The following P2RX7 variants were observed in gnomAD, a reference collection of about 807,000 sequenced individuals.
P2RX7 encodes purinergic receptor P2X 7, also known as P2X purinoceptor 7.
A neutral mutation model predicts 71.6 loss-of-function variants in P2RX7; 62 were observed. The observed-to-expected ratio is 0.87, with a 90% CI of 0.71 to 1.07. The LOEUF (loss-of-function observed/expected upper bound fraction) is 1.07, where lower values mean the gene tolerates loss of function less well. Ranked by LOEUF, P2RX7 falls within the 50% of genes least tolerant of loss-of-function variation. The pLI, the probability that P2RX7 is intolerant of heterozygous loss-of-function variation, is 0.00. For synonymous variants in P2RX7, 299 were observed against 283.3 expected, an observed-to-expected ratio of 1.06 and a Z score of -0.56; for missense variants, 686 against 748.5, an observed-to-expected ratio of 0.92 and a Z score of 0.97.
chr12:121,143,650 G>C (rs1437815172), intron 1 of P2RX7, among the ~76,000 whole-genome samples: 3 of 151,972 alleles, frequency 2.0e-5, no homozygotes, highest in Non-Finnish European at 2.9e-5. Flanking sequence ...AGGAGTTCGA[G>C]ACCAGCCTGA....
chr12:121,144,148 G>C (rs1875628639), intron 1 of P2RX7, among the ~76,000 whole-genome samples: 1 of 152,306 alleles, frequency 6.6e-6, no homozygotes, highest in African/African-American at 2.4e-5. Context: ...ACTCAGCAGA[G>C]TGAGTTCTGT....
chr12:121,144,230 C>T (rs1875647525), intron 1 of P2RX7, among the ~76,000 whole-genome samples: 1 of 152,200 alleles, frequency 6.6e-6, no homozygotes, highest in South Asian at 2.1e-4. Context: ...TAGAGTCTCG[C>T]TCTGTCGCCC....
Position 121,154,503 on chromosome 12 carries a change from T to C in P2RX7, c.126-282T>C, listed in dbSNP as rs942810068. ...CTATGAGGGTCCATGTTAGGGAATA[T>C]TAAAGAATAGGATTGGGGGCAGTAG... On this transcript the variant is annotated intron_variant, in intron 1 of 12. Transcript: ENST00000328963. This position sits in a 1 kb window ranked among gnomAD's most constrained non-coding sequence, Gnocchi z 4.2. Among the ~76,000 whole-genome samples, 1 of 152,088 alleles carries C rather than the reference T, an allele frequency of 6.6e-6. No homozygotes were observed. Among genetic ancestry groups the C allele is most frequent in the Non-Finnish European group, 1.5e-5 (1 of 68,024 alleles).
chr12:121,179,501 A>G (rs1186696019), intron 11 of P2RX7, among the ~76,000 whole-genome samples: 1 of 53,330 alleles, frequency 1.9e-5, no homozygotes, highest in African/African-American at 8.4e-5. Context: ...ACTCCGTCTC[A>G]AAAAAAAAAA....
At position 121,184,843 on chromosome 12, in the gene P2RX7, G is replaced by C; in HGVS notation, c.*41G>C. On this transcript the variant is annotated 3_prime_UTR_variant, in exon 13 of 13. Transcript: ENST00000328963. Reference sequence around the variant, plus strand: ...CTCACGTCTGTAATCCCAGCGCTTTGGGAGGCCGAGGCAGGCAGATCACCT... The same window carrying C: ...CTCACGTCTGTAATCCCAGCGCTTTCGGAGGCCGAGGCAGGCAGATCACCT... 8 of 1,453,612 alleles carry C rather than the reference G, an allele frequency of 5.5e-6. No homozygotes were observed. The highest frequency in any genetic ancestry group is 6.5e-6 in the Non-Finnish European group (7 of 1,081,148). 90.0% of individuals were successfully genotyped at this position (1,453,612 alleles called of 1,614,324 possible).
At chr12:121,156,824 C>G (rs1244874540) in intron 3 of P2RX7, among the ~76,000 whole-genome samples, 1 of 152,206 alleles carries the variant, frequency 6.6e-6, no homozygotes, top group African/African-American at 2.4e-5. Context: ...AGAGCCGCCT[C>G]TTTCTGGAAG....
chr12:121,178,357 A>T (rs1883510983), intron 11 of P2RX7, among the ~76,000 whole-genome samples: 1 of 152,260 alleles, frequency 6.6e-6, no homozygotes, highest in South Asian at 2.1e-4. Context: ...AAAATGAGAT[A>T]GATAATAATA....
intron 1 of P2RX7, among the ~76,000 whole-genome samples, chr12:121,152,937 C>G (rs778124368): frequency 2.2e-4 from 34 of 152,248 alleles, no homozygotes; most frequent in Admixed American, 5.2e-4. Context: ...TTGTCCATAG[C>G]TCCTCCGGCA....
In P2RX7 at chr12:121,177,208, G is replaced by A. The variant is rs201345514; in HGVS notation, c.1034G>A (p.Gly345Asp). 12 of 1,614,004 alleles carry A rather than the reference G, an allele frequency of 7.4e-6. No individual in the cohort carries two copies. The highest frequency in any genetic ancestry group is 4.0e-5 in the African/African-American group (3 of 74,922). ...ATCGGCTCAACCCTCTCCTACTTCG[G>A]TCTGGTAAGAGATTCTCTTTTCCAT... ...VYIGSTLSYF[G>D]LAAVFIDFLI... The change falls in exon 10 of 13, where the codon GGT (glycine) becomes GAT (aspartate). Residue 345 changes from glycine to aspartate, a missense_variant. Transcript: ENST00000328963.
At chr12:121,165,943 G>A in intron 6 of P2RX7, 115 bp from the exon 7 acceptor site, 1 of 1,127,520 alleles carries the variant, frequency 8.9e-7, no homozygotes, top group African/African-American at 1.6e-5. Flanking sequence ...AGGAGGCAGT[G>A]ATCATTTGGG....
chr12:121,145,298 C>G (rs886984211), intron 1 of P2RX7, among the ~76,000 whole-genome samples: 4 of 152,120 alleles, frequency 2.6e-5, no homozygotes, highest in Non-Finnish European at 5.9e-5. Context: ...GGGGCATGGT[C>G]ACAGTCAGTG....
chr12:121,134,166 C>T (rs1181258686), intron 1 of P2RX7, among the ~76,000 whole-genome samples: 1 of 152,080 alleles, frequency 6.6e-6, no homozygotes, highest in East Asian at 1.9e-4. Context: ...CATTTGTGTA[C>T]AAGGTTTTAT....
At position 121,167,515 on chromosome 12, in the gene P2RX7, T is replaced by A; in HGVS notation, c.772T>A (p.Trp258Arg). The change falls in exon 8 of 13, where the codon TGG becomes AGG. Residue 258 changes from tryptophan (W) to arginine (R), a missense_variant. Physicochemically the swap from Trp to Arg is moderately radical, Grantham distance 101. Transcript: ENST00000328963. ...CGGAATAATGGGCATTGAGATCTAC[T>A]GGGACTGCAACCTAGACCGTTGGTT... ...QGGIMGIEIY[W>R]DCNLDRWFHH... 1.2e-6 allele frequency: 2 copies of A among 1,614,032 alleles called. No homozygotes were observed. Among genetic ancestry groups the A allele is most frequent in the Non-Finnish European group, 1.7e-6 (2 of 1,179,950 alleles).
rs200100085 is a variant in P2RX7 at position 121,184,534 on chromosome 12, T to C, written c.1520T>C (p.Ile507Thr). Reference protein sequence around the residue: ...LCCRKKPGACITTSELFRKLV... With the variant: ...LCCRKKPGACTTTSELFRKLV... ...TGCCGGAAAAAGCCGGGGGCCTGCA[T>C]CACCACCTCAGAGCTGTTCAGGAAG... The change falls in exon 13 of 13, where the codon ATC (isoleucine) becomes ACC (threonine). Residue 507 changes from isoleucine (I) to threonine (T), a missense_variant. Coordinates refer to ENST00000328963, the MANE Select transcript of P2RX7 (RefSeq NM_002562.6). 29 of 1,614,182 alleles carry C rather than the reference T, an allele frequency of 1.8e-5. No homozygotes were observed. In the South Asian group the frequency reaches 3.1e-4, roughly 17 times the overall value.
At chr12:121,164,867 C>T (rs929677547) in intron 5 of P2RX7, among the ~76,000 whole-genome samples, 5 of 152,208 alleles carry the variant, frequency 3.3e-5, no homozygotes, top group African/African-American at 1.2e-4. Flanking sequence ...CACAGCTCCA[C>T]AGGCTTAACA....
intron 1 of P2RX7, among the ~76,000 whole-genome samples, chr12:121,143,545 C>A (rs1213218166): frequency 6.6e-6 from 1 of 150,726 alleles, no homozygotes; most frequent in African/African-American, 2.4e-5. Context: ...CAGAGTGAGA[C>A]CCTATCTGAA....
intron 9 of P2RX7, among the ~76,000 whole-genome samples, chr12:121,176,424 T>A (rs73220272): frequency 6.6e-6 from 1 of 152,080 alleles, no homozygotes; most frequent in African/African-American, 2.4e-5. Context: ...CAATAAGATA[T>A]AGCTGAGAGA....
chr12:121,178,683 T>A (rs1699315356), intron 11 of P2RX7, among the ~76,000 whole-genome samples: 1 of 150,572 alleles, frequency 6.6e-6, no homozygotes, highest in Non-Finnish European at 1.5e-5. Context: ...TCCCAGCTAC[T>A]TGGGAGGCTG....
At position 121,143,081 on chromosome 12, in the gene P2RX7, C is replaced by CAAAAA. The variant is rs76972263; in HGVS notation, c.125+9996_125+10000dup. Among the ~76,000 whole-genome samples, 307 of 123,530 alleles carry CAAAAA rather than the reference C, an allele frequency of 2.5e-3. 5 individuals carry two copies. Among genetic ancestry groups the CAAAAA allele is most frequent in the African/African-American group, 8.1e-3 (272 of 33,492 alleles). The allele number at this position is 123,530 out of a possible 152,430, so 81.0% of individuals were successfully genotyped here. On this transcript the variant is annotated intron_variant, in intron 1 of 12. Coordinates refer to ENST00000328963, the MANE Select transcript of P2RX7 (RefSeq NM_002562.6). ...TGGGGGACAGAGTGAGACTTCATCT[C>CAAAAA]AAAAAAAAAAAAAAGATGACTGGGC...
Sources: gnomAD v4.1 joint callset for allele counts (sites outside exome capture counted in the v4.1 genomes callset) on GRCh38, gnomAD v4.1.1 for gene constraint, Gnocchi (gnomAD v3.1) non-coding constraint, MANE v1.5 for transcripts, NCBI Gene and HGNC (gene_info 2026-07-23, HGNC 2026-07-21) for gene names.